GNAL: variants seen among roughly 807,000 people sequenced by gnomAD.
GNAL encodes the protein guanine nucleotide-binding protein G(olf) subunit alpha.
In GNAL, 18 loss-of-function variants were observed where a neutral mutation model predicts 55.1. The observed-to-expected ratio is 0.33, with a 90% CI of 0.23 to 0.48. The LOEUF (loss-of-function observed/expected upper bound fraction) is 0.48. GNAL is among the 20% of genes least tolerant of loss of function. The pLI is 0.99. For synonymous variants in GNAL, 253 were observed against 237.0 expected, an observed-to-expected ratio of 1.07 and a Z score of -0.62; for missense variants, 412 against 614.1, an observed-to-expected ratio of 0.67 and a Z score of 3.48.
At chr18:11,691,843 C>A (rs903358070) in intron 1 of GNAL, among the ~76,000 whole-genome samples, 1 of 152,142 alleles carries the variant, frequency 6.6e-6, no homozygotes, top group African/African-American at 2.4e-5. Flanking sequence ...GGTGGCGGGC[C>A]GCAGTGTGCT....
chr18:11,753,164 T>C (rs2032917634), intron 2 of GNAL, among the ~76,000 whole-genome samples: 1 of 152,232 alleles, frequency 6.6e-6, no homozygotes, highest in Non-Finnish European at 1.5e-5. Context: ...TCTTGGAGTG[T>C]TGATCTGTAT....
rs1263792545 is a variant in GNAL, at chr18:11,751,720, C to G, written c.377-1133C>G. ...GCCGGTCAGCGTGTAAGCGCCCCAG[C>G]CGGCCGGGCTCCGTGGGGGGTCAGC... On this transcript the variant is annotated intron_variant, in intron 1 of 11. Transcript: ENST00000334049. This position sits in a 1 kb window ranked among gnomAD's most constrained non-coding sequence, Gnocchi z 4.5. The G allele has an allele frequency of 4.2e-6, 4 of 943,672 alleles. No individual in the cohort carries two copies. The highest frequency in any genetic ancestry group is 5.1e-6 in the Non-Finnish European group (4 of 791,878). 58.5% of individuals were successfully genotyped at this position (943,672 alleles called of 1,614,324 possible). A position where few individuals can be genotyped will look rare whatever the true frequency, so the allele number is the denominator to read the frequency against.
At chr18:11,866,293 C>T (rs1459703792) in intron 7 of GNAL, among the ~76,000 whole-genome samples, 3 of 150,170 alleles carry the variant, frequency 2.0e-5, no homozygotes, top group Non-Finnish European at 4.4e-5. Context: ...GTAAAGCGTA[C>T]GGATTAAATT....
intron 5 of GNAL, among the ~76,000 whole-genome samples, chr18:11,842,493 A>G (rs1403075009): frequency 6.6e-6 from 1 of 152,088 alleles, no homozygotes; most frequent in Non-Finnish European, 1.5e-5. Flanking sequence ...ATAATGTAGA[A>G]TCAGTGGGAC....
intron 5 of GNAL, among the ~76,000 whole-genome samples, chr18:11,836,984 C>T (rs960028389): frequency 1.3e-5 from 2 of 152,160 alleles, no homozygotes; most frequent in African/African-American, 2.4e-5. Flanking sequence ...GATGGAGTCT[C>T]GCTCTGTCAC....
At chr18:11,823,413 A>G (rs1279553439) in intron 4 of GNAL, among the ~76,000 whole-genome samples, 2 of 152,210 alleles carry the variant, frequency 1.3e-5, no homozygotes, top group African/African-American at 2.4e-5. Context: ...AGACTATGCC[A>G]TAACTTACAA....
chr18:11,777,364 T>C (rs1243968735), intron 4 of GNAL, among the ~76,000 whole-genome samples: 1 of 152,248 alleles, frequency 6.6e-6, no homozygotes, highest in Non-Finnish European at 1.5e-5. Context: ...TTAGGAACTC[T>C]GCCAGTGCTG....
intron 4 of GNAL, among the ~76,000 whole-genome samples, chr18:11,770,054 A>G (rs2033585228): frequency 6.6e-6 from 1 of 152,204 alleles, no homozygotes; most frequent in South Asian, 2.1e-4. Flanking sequence ...TCAACTTTTT[A>G]TGTGTCTGTA....
rs1014683328 is a variant in GNAL at position 11,867,304 on chromosome 18, TTAGA to T, written c.910+81_910+84del. On this transcript the variant is annotated intron_variant, in intron 8 of 11. Transcript: ENST00000334049. ...ACTGCTGTGCTTAACTATTCTTGAA[TTAGA>T]TAATCTCTAACTAATATGTAAAGTA... 1.1e-4 allele frequency: 94 copies of T among 855,968 alleles called. No homozygotes were observed. In the African/African-American group the frequency reaches 1.5e-3, roughly 14 times the overall value. 53.0% of individuals were successfully genotyped at this position (855,968 alleles called of 1,614,324 possible).
chr18:11,689,577 A>T lies in GNAL; in HGVS notation c.14A>T (p.Tyr5Phe). 7.5e-7 allele frequency: 1 copy of T among 1,326,632 alleles called. No homozygotes were observed. Among genetic ancestry groups the T allele is most frequent in the Non-Finnish European group, 9.6e-7 (1 of 1,047,032 alleles). 82.2% of individuals were successfully genotyped at this position (1,326,632 alleles called of 1,614,324 possible). A position where few individuals can be genotyped will look rare whatever the true frequency, so the allele number is the denominator to read the frequency against. The change falls in exon 1 of 12, where the codon TAC becomes TTC. Residue 5 changes from tyrosine to phenylalanine, a missense_variant. Physicochemically the swap from Tyr to Phe is conservative, Grantham distance 22. This residue lies in a region of GNAL where 228 missense variants were observed against 194.8 expected (regional missense o/e 1.17). Transcript: ENST00000334049. The part of the protein sequence containing the change: MGLC[Y>F]SLRPLLFGGP... ...TGCCGCGCCCACATGGGTCTGTGCT[A>T]CAGTCTGCGGCCGCTGCTTTTCGGG...
At chr18:11,704,734 C>T (rs986134383) in intron 1 of GNAL, among the ~76,000 whole-genome samples, 5 of 152,048 alleles carry the variant, frequency 3.3e-5, no homozygotes, top group Non-Finnish European at 5.9e-5. Flanking sequence ...ACATTTTACT[C>T]GTTCCTGTGA....
chr18:11,812,229 G>T (rs1364632), intron 4 of GNAL, among the ~76,000 whole-genome samples: 102,703 of 152,126 alleles, frequency 0.68, 36,798 homozygotes, highest in Admixed American at 0.81. Context: ...TTCCACAGTT[G>T]TTTTGTGAGA....
chr18:11,706,579 C>T (rs977309016), intron 1 of GNAL, among the ~76,000 whole-genome samples: 9 of 152,140 alleles, frequency 5.9e-5, no homozygotes, highest in Non-Finnish European at 1.0e-4. Flanking sequence ...TTCTACTCAT[C>T]GTAGAACTTT....
chr18:11,726,634 CCTT>C (rs1411377120), intron 1 of GNAL, among the ~76,000 whole-genome samples: 1 of 152,178 alleles, frequency 6.6e-6, no homozygotes, highest in Admixed American at 6.5e-5. Flanking sequence ...GACGGTGGGT[CCTT>C]CTTTCCCTTT....
chr18:11,742,236 T>A (rs2032592335), intron 1 of GNAL, among the ~76,000 whole-genome samples: 2 of 152,248 alleles, frequency 1.3e-5, no homozygotes, highest in Admixed American at 6.5e-5. Context: ...TATAGTTCGT[T>A]GTTCATGTGT....
At chr18:11,718,469 C>T (rs569221060) in intron 1 of GNAL, among the ~76,000 whole-genome samples, 12 of 151,934 alleles carry the variant, frequency 7.9e-5, no homozygotes, top group South Asian at 6.3e-4. Context: ...TATAATGCAC[C>T]GTTTATTTTT....
chr18:11,779,207 T>G (rs1364222706), intron 4 of GNAL, among the ~76,000 whole-genome samples: 1 of 152,320 alleles, frequency 6.6e-6, no homozygotes, highest in East Asian at 1.9e-4. Context: ...AGCAGGAGAC[T>G]GCAAGGGGTA....
intron 1 of GNAL, among the ~76,000 whole-genome samples, chr18:11,726,593 A>G (rs2143423664): frequency 6.6e-6 from 1 of 152,070 alleles, no homozygotes; most frequent in African/African-American, 2.4e-5. Flanking sequence ...GGATCTTCTG[A>G]TCCACTGTGC....
intron 4 of GNAL, among the ~76,000 whole-genome samples, chr18:11,822,610 A>G (rs1471066628): frequency 6.6e-6 from 1 of 152,134 alleles, no homozygotes; most frequent in African/African-American, 2.4e-5. Context: ...CCACGTCTCA[A>G]AAAATTAAAG....
Sources: gnomAD v4.1 joint callset for allele counts (sites outside exome capture counted in the v4.1 genomes callset) on GRCh38, gnomAD v4.1.1 for gene constraint, gnomAD v4.1.1 regional missense constraint, Gnocchi (gnomAD v3.1) non-coding constraint, MANE v1.5 for transcripts, NCBI Gene and HGNC (gene_info 2026-07-23, HGNC 2026-07-21) for gene names.